The following MAGI1 variants were observed in gnomAD, a reference collection of about 807,000 sequenced individuals.
MAGI1 encodes the protein membrane-associated guanylate kinase, WW and PDZ domain-containing protein 1.
In MAGI1, 58 loss-of-function variants were observed where a neutral mutation model predicts 139.9. The observed-to-expected ratio is 0.41, with a 90% CI of 0.34 to 0.52. The LOEUF (loss-of-function observed/expected upper bound fraction) is 0.52, where lower values mean the gene tolerates loss of function less well. Among genes scored for constraint, MAGI1 ranks in the 20% least tolerant of loss-of-function variants. The pLI is 0.12. For synonymous variants in MAGI1, 812 were observed against 737.9 expected, an observed-to-expected ratio of 1.10 and a Z score of -1.63; for missense variants, 1,874 against 1,901.6, an observed-to-expected ratio of 0.99 and a Z score of 0.27.
intron 1 of MAGI1, among the ~76,000 whole-genome samples, chr3:65,901,140 A>G (rs532256339): frequency 6.8e-4 from 103 of 152,338 alleles, no homozygotes; most frequent in African/African-American, 2.4e-3. Context: ...AAGAGCATTT[A>G]TACTACTTGC....
At chr3:65,930,315 C>CCAAAAAAA (rs2062746576) in intron 1 of MAGI1, among the ~76,000 whole-genome samples, 2 of 87,630 alleles carry the variant, frequency 2.3e-5, no homozygotes, top group Non-Finnish European at 4.5e-5. Context: ...GACTCCGTCT[C>CCAAAAAAA]AAAAAAAAAA....
intron 1 of MAGI1, among the ~76,000 whole-genome samples, chr3:65,784,240 T>C (rs1389120591): frequency 1.3e-5 from 2 of 152,172 alleles, no homozygotes; most frequent in South Asian, 2.1e-4. Context: ...TGGGAGTTCT[T>C]CAAAAAGCTA....
chr3:65,755,093 G>A (rs1198058794), intron 1 of MAGI1, among the ~76,000 whole-genome samples: 17 of 151,868 alleles, frequency 1.1e-4, no homozygotes, highest in African/African-American at 1.4e-4. Context: ...GATTACAGGC[G>A]CGTGCCACGA....
rs1300703681 is a variant in MAGI1 at position 65,983,615 on chromosome 3, T to C, written c.313+54381A>G. ...TTTTAAAAATGAAATTAGAGTTTGA[T>C]AGCAGTCTTTTAAATAAGTCATTTC... On this transcript the variant is annotated intron_variant, in intron 1 of 22. Transcript: ENST00000402939. Among the ~76,000 whole-genome samples, 4 of 152,202 alleles carry C rather than the reference T, an allele frequency of 2.6e-5. No homozygotes were observed. In the East Asian group the frequency reaches 5.8e-4, roughly 22 times the overall value.
At position 65,363,498 on chromosome 3, in the gene MAGI1, C is replaced by T. The variant is rs746081738; in HGVS notation, c.3462G>A (p.Glu1154=). 1.2e-6 allele frequency: 2 copies of T among 1,613,946 alleles called. No individual in the cohort carries two copies. Among genetic ancestry groups the T allele is most frequent in the Middle Eastern group, 3.3e-4 (2 of 6,062 alleles). The change falls in exon 21 of 23, where the codon GAG becomes GAA. Residue 1154 remains glutamate (E), a synonymous_variant. Transcript: ENST00000402939. ...NMDLYVLRLA[E]DGPAERCGKM... ...TTCCACACCTCTCCGCAGGACCGTC[C>T]TCTGCTAAGCGCAGAACATAGAGGT...
At chr3:65,824,757 T>C (rs2042135643) in intron 1 of MAGI1, among the ~76,000 whole-genome samples, 1 of 152,222 alleles carries the variant, frequency 6.6e-6, no homozygotes. Flanking sequence ...GCCATGTTAC[T>C]ACAAGTCATG....
intron 18 of MAGI1, among the ~76,000 whole-genome samples, chr3:65,367,164 T>C (rs548371381): frequency 1.3e-5 from 2 of 152,358 alleles, no homozygotes; most frequent in South Asian, 2.1e-4. Context: ...ACAATCAGGA[T>C]ACTAAAAAGA....
At chr3:65,805,142 C>T (rs7637061) in intron 1 of MAGI1, among the ~76,000 whole-genome samples, 5,743 of 152,090 alleles carry the variant, frequency 0.038, 313 homozygotes, top group African/African-American at 0.12. Context: ...ATCATCAGAG[C>T]AAACAGACAA....
In MAGI1 at chr3:65,898,598, A is replaced by C. The variant is rs550549770; in HGVS notation, c.313+139398T>G. Among the ~76,000 whole-genome samples the C allele has an allele frequency of 8.7e-4, 133 of 152,332 alleles. 2 individuals are homozygous for C. The Middle Eastern group carries it at 0.01, about 12-fold the overall frequency. The stretch of plus-strand genomic sequence containing the variant: ...CTTCATTTGCTATGTCTCATTTCAC[A>C]AAAGTTCCTATTATTTTGAAACACT... On this transcript the variant is annotated intron_variant, in intron 1 of 22. Transcript: ENST00000402939.
intron 1 of MAGI1, among the ~76,000 whole-genome samples, chr3:66,001,908 T>G (rs1275050272): frequency 2.0e-5 from 3 of 152,188 alleles, no homozygotes; most frequent in Non-Finnish European, 4.4e-5. Context: ...AGTGATCCTA[T>G]ATGATCACTA....
rs1294719120 is a variant in MAGI1 at position 65,356,173 on chromosome 3, ACTTT to A, written c.*201_*204del. On this transcript the variant is annotated 3_prime_UTR_variant, in exon 23 of 23. Coordinates refer to ENST00000402939, the MANE Select transcript of MAGI1 (RefSeq NM_001033057.2). ...TCCAAAAAAGTATGCATTTAAAAAT[ACTTT>A]CTTTAATATGATACATCAGGCACAA... The A allele has an allele frequency of 6.7e-6, 3 of 450,368 alleles. No individual in the cohort carries two copies. The highest frequency in any genetic ancestry group is 4.2e-5 in the Admixed American group (1 of 23,836). 27.9% of individuals were successfully genotyped at this position (450,368 alleles called of 1,614,324 possible).
rs370508186 is a variant in MAGI1, at chr3:65,646,187, GGTGAAA to G, written c.314-24105_314-24100del. Among the ~76,000 whole-genome samples, 622 of 151,774 alleles carry G rather than the reference GGTGAAA, an allele frequency of 4.1e-3. 5 individuals carry two copies. Among genetic ancestry groups the G allele is most frequent in the African/African-American group, 0.014 (589 of 41,436 alleles). On this transcript the variant is annotated intron_variant, in intron 1 of 22. Coordinates refer to ENST00000402939, the MANE Select transcript of MAGI1 (RefSeq NM_001033057.2). Reference sequence around the variant, plus strand: ...GCTTCAAATATAACACTATAGGCATGGTGAAAGTGAAAGGATAGAAAAAAATATGCA... The same window carrying G: ...GCTTCAAATATAACACTATAGGCATGGTGAAAGGATAGAAAAAAATATGCA...
chr3:65,615,142 T>C (rs1343183026), intron 2 of MAGI1, among the ~76,000 whole-genome samples: 2 of 151,968 alleles, frequency 1.3e-5, no homozygotes, highest in African/African-American at 4.8e-5. Flanking sequence ...AGCCTTGTAA[T>C]AAATGGCATA....
At chr3:65,793,296 A>G (rs1387808376) in intron 1 of MAGI1, among the ~76,000 whole-genome samples, 1 of 152,064 alleles carries the variant, frequency 6.6e-6, no homozygotes, top group Non-Finnish European at 1.5e-5. Flanking sequence ...TTTTCATAAG[A>G]TTATTCAGGC....
intron 2 of MAGI1, among the ~76,000 whole-genome samples, chr3:65,507,801 A>C (rs2077361041): frequency 6.6e-6 from 1 of 152,102 alleles, no homozygotes; most frequent in South Asian, 2.1e-4. Flanking sequence ...AGCTCATTTT[A>C]TGTTATGGAC....
chr3:65,368,731 A>G (rs1203477480), intron 18 of MAGI1, among the ~76,000 whole-genome samples: 2 of 152,212 alleles, frequency 1.3e-5, no homozygotes, highest in Admixed American at 1.3e-4. Context: ...ACTTTTTACT[A>G]TTCTAATGCC....
At chr3:65,649,498 G>T (rs2085464497) in intron 1 of MAGI1, among the ~76,000 whole-genome samples, 2 of 152,046 alleles carry the variant, frequency 1.3e-5, no homozygotes, top group South Asian at 4.1e-4. Context: ...TAATGAACTG[G>T]GCATTATGAA....
intron 2 of MAGI1, among the ~76,000 whole-genome samples, chr3:65,599,142 G>T (rs2082366758): frequency 6.6e-6 from 1 of 152,106 alleles, no homozygotes; most frequent in African/African-American, 2.4e-5. Flanking sequence ...GGGCAAGAGG[G>T]GAAAGGAAGC....
chr3:65,925,836 C>T (rs1432215977), intron 1 of MAGI1, among the ~76,000 whole-genome samples: 1 of 152,174 alleles, frequency 6.6e-6, no homozygotes, highest in Admixed American at 6.5e-5. Flanking sequence ...CGAGCCACCA[C>T]ACTCTGCCAA....
Sources: allele counts gnomAD v4.1 joint callset (sites outside exome capture counted in the v4.1 genomes callset), GRCh38; gene constraint gnomAD v4.1.1; transcripts MANE v1.5; gene names NCBI Gene and HGNC (gene_info 2026-07-23, HGNC 2026-07-21).